The following TAMM41 variants were observed in gnomAD, a reference collection of about 807,000 sequenced individuals.
TAMM41 encodes the protein TAM41 mitochondrial translocator assembly and maintenance homolog, also known as phosphatidate cytidylyltransferase, mitochondrial.
TAMM41 carries 36 observed loss-of-function variants against 44.1 expected under a neutral mutation model. That is an observed-to-expected ratio of 0.82 (90% CI 0.63 to 1.08). The LOEUF (loss-of-function observed/expected upper bound fraction) is 1.08, where lower values mean the gene tolerates loss of function less well. Among genes scored for constraint, TAMM41 ranks in the 50% least tolerant of loss-of-function variants. The pLI, the probability that TAMM41 is intolerant of heterozygous loss-of-function variation, is 0.00. For missense variants in TAMM41, 417 were observed against 404.3 expected (o/e 1.03, Z -0.27); for synonymous variants, 164 against 153.1 (o/e 1.07, Z -0.53).
At chr3:11,819,759 C>CA (rs1027016957) in intron 4 of TAMM41, among the ~76,000 whole-genome samples, 47 of 150,976 alleles carry the variant, frequency 3.1e-4, no homozygotes, top group Non-Finnish European at 3.4e-4. Flanking sequence ...CATACCAAAA[C>CA]AAAAAAAACT....
At chr3:11,785,871 G>A (rs190171607), downstream of TAMM41, among the ~76,000 whole-genome samples, 1,463 of 152,144 alleles carry the variant, frequency 9.6e-3, 10 homozygotes, top group Middle Eastern at 0.031. Context: ...CACCCACCTT[G>A]GCCTCCCAAA....
chr3:11,745,212 T>A, the TAMM41 span, among the ~76,000 whole-genome samples: 1 of 152,124 alleles, frequency 6.6e-6, no homozygotes, highest in Non-Finnish European at 1.5e-5. Flanking sequence ...ACACCTGTAG[T>A]CCCAGCTACT....
chr3:11,725,736 A>C, the TAMM41 span, among the ~76,000 whole-genome samples: 1 of 152,128 alleles, frequency 6.6e-6, no homozygotes, highest in Non-Finnish European at 1.5e-5. Context: ...CACCATGCCC[A>C]GCCTGACTCT....
chr3:11,765,177 C>T, the TAMM41 span, among the ~76,000 whole-genome samples: 2 of 152,194 alleles, frequency 1.3e-5, no homozygotes, highest in African/African-American at 4.8e-5. Context: ...TTTTCTCTGG[C>T]TCTGGTTAAG....
the TAMM41 span, among the ~76,000 whole-genome samples, chr3:11,769,706 C>T: frequency 6.6e-6 from 1 of 152,192 alleles, no homozygotes; most frequent in East Asian, 1.9e-4. Flanking sequence ...AGACCACTGA[C>T]TATGTGGAAA....
chr3:11,762,363 A>C, the TAMM41 span, among the ~76,000 whole-genome samples: 8 of 152,104 alleles, frequency 5.3e-5, no homozygotes, highest in African/African-American at 1.9e-4. Flanking sequence ...CGTTGCTGAC[A>C]CCACCAGTTC....
downstream of TAMM41, among the ~76,000 whole-genome samples, chr3:11,786,139 T>A (rs2077415365): frequency 6.6e-6 from 1 of 152,074 alleles, no homozygotes; most frequent in Non-Finnish European, 1.5e-5. Context: ...TACAGGGCTG[T>A]TAGCAGCTTC....
intron 5 of TAMM41, among the ~76,000 whole-genome samples, chr3:11,812,638 C>T (rs1012519956): frequency 1.4e-4 from 22 of 152,188 alleles, no homozygotes; most frequent in Admixed American, 1.3e-3. Flanking sequence ...CTTTAAGTTA[C>T]GACTGCCACC....
chr3:11,751,312 G>C, the TAMM41 span, among the ~76,000 whole-genome samples: 1 of 151,920 alleles, frequency 6.6e-6, no homozygotes, highest in Non-Finnish European at 1.5e-5. Context: ...GTCTGGTCTC[G>C]AACTCCCGAC....
At chr3:11,839,078 G>T in intron 3 of TAMM41, 144 bp downstream of exon 3, 1 of 499,134 alleles carries the variant, frequency 2.0e-6, no homozygotes, top group Non-Finnish European at 3.5e-6. Flanking sequence ...ATATTATTTG[G>T]CAATAAATTT....
intron 7 of TAMM41, among the ~76,000 whole-genome samples, chr3:11,793,083 A>AAAAAAAAAAAAAAAAAAAG (rs1553566249): frequency 2.3e-5 from 3 of 132,634 alleles, no homozygotes; most frequent in African/African-American, 8.1e-5. Flanking sequence ...AAAAAAAAAA[A>AAAAAAAAAAAAAAAAAAAG]AGAGAGTGAA....
the TAMM41 span, among the ~76,000 whole-genome samples, chr3:11,778,685 C>G: frequency 6.6e-6 from 1 of 151,712 alleles, no homozygotes; most frequent in African/African-American, 2.4e-5. Context: ...TTTTATTTAG[C>G]CTTCCTAGTG....
chr3:11,784,397 A>G, the TAMM41 span, among the ~76,000 whole-genome samples: 1 of 152,202 alleles, frequency 6.6e-6, no homozygotes, highest in Non-Finnish European at 1.5e-5. Context: ...CAGGAGGCTG[A>G]GGTGGGAGAA....
chr3:11,747,967 T>C, the TAMM41 span, among the ~76,000 whole-genome samples: 7 of 148,960 alleles, frequency 4.7e-5, no homozygotes, highest in Non-Finnish European at 7.4e-5. Context: ...CTCTGCCTCC[T>C]GGCCTCAAGA....
At chr3:11,760,853 G>A in the TAMM41 span, among the ~76,000 whole-genome samples, 2 of 150,018 alleles carry the variant, frequency 1.3e-5, no homozygotes, top group South Asian at 2.3e-4. Flanking sequence ...GAACCACCAC[G>A]CTCGACCAAG....
intron 7 of TAMM41, among the ~76,000 whole-genome samples, chr3:11,801,736 C>T (rs1293830837): frequency 6.6e-6 from 1 of 152,016 alleles, no homozygotes; most frequent in Non-Finnish European, 1.5e-5. Flanking sequence ...CATTACATGT[C>T]TACATAAAAA....
At chr3:11,776,525 A>G in the TAMM41 span, among the ~76,000 whole-genome samples, 1 of 152,166 alleles carries the variant, frequency 6.6e-6, no homozygotes, top group Non-Finnish European at 1.5e-5. Context: ...CTGCCTCGGT[A>G]TTCAGCACAG....
chr3:11,725,514 C>G, the TAMM41 span, among the ~76,000 whole-genome samples: 1 of 151,156 alleles, frequency 6.6e-6, no homozygotes, highest in African/African-American at 2.4e-5. Flanking sequence ...TCTCAGCTCA[C>G]TGCAGCCTTA....
chr3:11,796,260 A>G (rs1362458258), intron 7 of TAMM41, among the ~76,000 whole-genome samples: 2 of 152,158 alleles, frequency 1.3e-5, no homozygotes, highest in Non-Finnish European at 2.9e-5. Flanking sequence ...TTAGATCTAC[A>G]TTCATCTAAA....
Sources: gnomAD v4.1 joint callset for allele counts (sites outside exome capture counted in the v4.1 genomes callset) on GRCh38, gnomAD v4.1.1 for gene constraint, MANE v1.5 for transcripts, NCBI Gene and HGNC (gene_info 2026-07-23, HGNC 2026-07-21) for gene names.